The following TMLHE variants were observed in gnomAD, a reference collection of about 807,000 sequenced individuals.
TMLHE encodes the protein trimethyllysine hydroxylase, epsilon.
Under a neutral mutation model 25.7 loss-of-function variants are expected in TMLHE, and 18 were observed. The observed-to-expected ratio is 0.70, with a 90% confidence interval of 0.48 to 1.04. The LOEUF is 1.04. Among genes scored for constraint, TMLHE ranks in the 50% least tolerant of loss-of-function variants. TMLHE has a pLI of 0.00. For missense variants in TMLHE, 236 were observed against 259.0 expected (o/e 0.91, Z 0.61); for synonymous variants, 105 against 97.0 (o/e 1.08, Z -0.49).
At chrX:155,513,849 G>GT in intron 4 of TMLHE, 137 bp downstream of exon 4, 1 of 593,974 alleles carries the variant, frequency 1.7e-6, no homozygotes, top group Admixed American at 3.6e-5. Context: ...AGTACTGCAA[G>GT]TGAGAGTCCC....
intron 1 of TMLHE, among the ~76,000 whole-genome samples, chrX:155,583,383 G>A (rs1210715739): frequency 1.8e-5 from 2 of 110,871 alleles, no homozygotes; most frequent in East Asian, 2.9e-4. Context: ...ATCAGCTCTC[G>A]TGAGACTTAT....
intron 1 of TMLHE, chrX:155,612,051 C>T (rs1430393703): frequency 8.9e-6 from 1 of 112,022 alleles, no homozygotes; most frequent in Non-Finnish European, 1.9e-5. Flanking sequence ...TGTACTATGT[C>T]CACTCAACAC....
intron 1 of TMLHE, among the ~76,000 whole-genome samples, chrX:155,559,225 T>A (rs1360735984): frequency 9.0e-6 from 1 of 111,516 alleles, no homozygotes; most frequent in Non-Finnish European, 1.9e-5. Context: ...GTTAAAATAT[T>A]GTTCTTGTTG....
Position 155,549,269 on chromosome X carries a change from AG to A in TMLHE, c.-1-3993del, listed in dbSNP as rs1557339614. Among the ~76,000 whole-genome samples the A allele has an allele frequency of 2.7e-5, 3 of 110,581 alleles. 1 individual carries two copies. The highest frequency in any genetic ancestry group is 5.7e-5 in the Non-Finnish European group (3 of 52,988). ...TTGTGCTCACTAGTTAGGAGGAGTA[AG>A]CATGGACAACCTTGCCTTGTTCCTG... On this transcript the variant is annotated intron_variant, in intron 1 of 7. Transcript: ENST00000334398.
At chrX:155,531,911 A>G (rs782166231) in intron 2 of TMLHE, among the ~76,000 whole-genome samples, 120 of 111,387 alleles carry the variant, frequency 1.1e-3, no homozygotes, top group Non-Finnish European at 1.8e-3. Context: ...ATAGACCCCA[A>G]TTGAGAGCCT....
intron 1 of TMLHE, among the ~76,000 whole-genome samples, chrX:155,554,186 T>A (rs1303310154): frequency 5.4e-5 from 6 of 110,112 alleles, no homozygotes; most frequent in African/African-American, 1.7e-4. Context: ...ACTATTTTTT[T>A]AAATATGATC....
rs1557334236 is a variant in TMLHE, at chrX:155,513,914, C to T, written c.638+72G>A. 4.7e-6 allele frequency: 5 copies of T among 1,056,237 alleles called. No individual in the cohort carries two copies. In the South Asian group the frequency reaches 8.8e-5, roughly 19 times the overall value. The allele number at this position is 1,056,237 out of a possible 1,213,427, so 87.0% of individuals were successfully genotyped here. ...AAAACGAGGGTGACCATACCTGTTA[C>T]ATTTATTTATTGGTGTTCATGCTCT... On this transcript the variant is annotated intron_variant, in intron 4 of 7. Transcript: ENST00000334398.
chrX:155,610,159 T>C (rs1453043226), intron 1 of TMLHE, among the ~76,000 whole-genome samples: 1 of 112,474 alleles, frequency 8.9e-6, no homozygotes, highest in Non-Finnish European at 1.9e-5. Flanking sequence ...GATGACTAGA[T>C]AGACAAAATG....
In TMLHE at chrX:155,569,664, G is replaced by C. The variant is rs1569562192; in HGVS notation, c.-1-24387C>G. ...GGCAGAAACCCTACAAGCCAGAAGAGAGTGGGGGCCAATATTCAACATTCT... is the reference window on the plus strand; with the variant it reads ...GGCAGAAACCCTACAAGCCAGAAGACAGTGGGGGCCAATATTCAACATTCT... On this transcript the variant is annotated intron_variant, in intron 1 of 7. Coordinates refer to ENST00000334398, the MANE Select transcript of TMLHE (RefSeq NM_018196.4). Among the ~76,000 whole-genome samples, 3 of 55,328 alleles carry C rather than the reference G, an allele frequency of 5.4e-5. 1 individual carries two copies. The highest frequency in any genetic ancestry group is 9.3e-5 in the Non-Finnish European group (2 of 21,406). The allele number at this position is 55,328 out of a possible 115,157, so 48.0% of individuals were successfully genotyped here. A position where few individuals can be genotyped will look rare whatever the true frequency, so the allele number is the denominator to read the frequency against.
At chrX:155,505,815 G>A (rs1488740337) in intron 6 of TMLHE, among the ~76,000 whole-genome samples, 4 of 111,705 alleles carry the variant, frequency 3.6e-5, no homozygotes, top group Non-Finnish European at 7.5e-5. Flanking sequence ...GCAGTGTCAA[G>A]AACAGAGCAT....
rs1448905803 is a variant in TMLHE, at chrX:155,572,123, C to A, written c.-1-26846G>T. Among the ~76,000 whole-genome samples the A allele has an allele frequency of 9.0e-5, 5 of 55,263 alleles. 2 individuals carry two copies. The highest frequency in any genetic ancestry group is 2.3e-4 in the Non-Finnish European group (5 of 21,467). The allele number at this position is 55,263 out of a possible 115,157, so 48.0% of individuals were successfully genotyped here. A position where few individuals can be genotyped will look rare whatever the true frequency, so the allele number is the denominator to read the frequency against. Reference sequence around the variant, plus strand: ...CCCAAAATCTCCTTAAGCTGATAAGCAACTTCAGCAAAGTCTCAGGATACA... The same window carrying A: ...CCCAAAATCTCCTTAAGCTGATAAGAAACTTCAGCAAAGTCTCAGGATACA... On this transcript the variant is annotated intron_variant, in intron 1 of 7. Coordinates refer to ENST00000334398, the MANE Select transcript of TMLHE (RefSeq NM_018196.4).
rs782562691 is a variant in TMLHE, at chrX:155,536,460, A to T, written c.181+8636T>A. Reference sequence around the variant, plus strand: ...TTGCTAGTTATATAAGCAGTGTAGTAGTGGAATAAACTACTGTGTGGCTAG... The same window carrying T: ...TTGCTAGTTATATAAGCAGTGTAGTTGTGGAATAAACTACTGTGTGGCTAG... On this transcript the variant is annotated intron_variant, in intron 2 of 7. Coordinates refer to ENST00000334398, the MANE Select transcript of TMLHE (RefSeq NM_018196.4). Among the ~76,000 whole-genome samples the T allele has an allele frequency of 2.7e-5, 3 of 111,347 alleles. No homozygotes were observed. In the South Asian group the frequency reaches 1.1e-3, roughly 43 times the overall value.
At position 155,612,880 on chromosome X, in the gene TMLHE, T is replaced by C. The variant is rs1375864807; in HGVS notation, c.-90A>G. The C allele has an allele frequency of 9.0e-6, 1 of 111,679 alleles. No homozygotes were observed. Among genetic ancestry groups the C allele is most frequent in the Non-Finnish European group, 1.9e-5 (1 of 53,102 alleles). The allele number at this position is 111,679 out of a possible 1,213,427, so 9.2% of individuals were successfully genotyped here. A position where few individuals can be genotyped will look rare whatever the true frequency, so the allele number is the denominator to read the frequency against. On this transcript the variant is annotated 5_prime_UTR_variant, in exon 1 of 8. Coordinates refer to ENST00000334398, the MANE Select transcript of TMLHE (RefSeq NM_018196.4). ...CGGGAGGCAGCCTTTCACCCGCCTTTTGCCTTTTCACCCCCAAAACTGTCG... is the reference window on the plus strand; with the variant it reads ...CGGGAGGCAGCCTTTCACCCGCCTTCTGCCTTTTCACCCCCAAAACTGTCG...
rs782455739 is a variant in TMLHE at position 155,560,850 on chromosome X, G to A, written c.-1-15573C>T. 2.6e-3 allele frequency among the ~76,000 whole-genome samples: 161 copies of A among 61,425 alleles called. 51 individuals are homozygous for A. The highest frequency in any genetic ancestry group is 6.2e-3 in the Non-Finnish European group (136 of 21,912). The allele number at this position is 61,425 out of a possible 115,157, so 53.3% of individuals were successfully genotyped here. On this transcript the variant is annotated intron_variant, in intron 1 of 7. Coordinates refer to ENST00000334398, the MANE Select transcript of TMLHE (RefSeq NM_018196.4). ...CTGATAGAAATGATGAACCATTGTA[G>A]GGTTTTAAAACTAATAGGTAACATG...
chrX:155,581,619 A>G (rs2067629064), intron 1 of TMLHE, among the ~76,000 whole-genome samples: 1 of 111,778 alleles, frequency 8.9e-6, no homozygotes, highest in South Asian at 3.8e-4. Flanking sequence ...CTTACAAGGA[A>G]TATGAAGGAC....
intron 1 of TMLHE, among the ~76,000 whole-genome samples, chrX:155,547,917 C>G (rs1360684745): frequency 9.0e-6 from 1 of 110,984 alleles, no homozygotes; most frequent in Admixed American, 9.6e-5. Context: ...TACAGAAATA[C>G]ATATGTATTT....
intron 1 of TMLHE, among the ~76,000 whole-genome samples, chrX:155,587,265 T>C (rs1488273342): frequency 8.1e-5 from 9 of 111,039 alleles, no homozygotes; most frequent in Non-Finnish European, 1.7e-4. Context: ...GGACAAAAAT[T>C]ATATGGTCAT....
At chrX:155,525,962 T>A (rs923999888) in intron 2 of TMLHE, among the ~76,000 whole-genome samples, 4 of 112,727 alleles carry the variant, frequency 3.5e-5, no homozygotes, top group Non-Finnish European at 7.5e-5. Flanking sequence ...GGAACTTATA[T>A]TTAAAAGGGA....
At chrX:155,604,719 T>A (rs2067777138) in intron 1 of TMLHE, among the ~76,000 whole-genome samples, 1 of 111,677 alleles carries the variant, frequency 9.0e-6, no homozygotes, top group African/African-American at 3.3e-5. Flanking sequence ...AGAGGAGTCA[T>A]GTGGCTGAGC....
Sources: allele counts gnomAD v4.1 joint callset (sites outside exome capture counted in the v4.1 genomes callset), GRCh38; gene constraint gnomAD v4.1.1; transcripts MANE v1.5; gene names NCBI Gene and HGNC (gene_info 2026-07-23, HGNC 2026-07-21).